Variants in CNTNAP2 observed in about 807,000 individuals in gnomAD.
CNTNAP2 encodes contactin-associated protein-like 2.
Under a neutral mutation model 155.2 loss-of-function variants are expected in CNTNAP2, and 98 were observed. The observed-to-expected ratio is 0.63, with a 90% CI of 0.54 to 0.75. CNTNAP2 has a LOEUF of 0.75. Among genes scored for constraint, CNTNAP2 ranks in the 30% least tolerant of loss-of-function variants. The pLI, the probability that CNTNAP2 is intolerant of heterozygous loss-of-function variation, is 0.00. For missense variants in CNTNAP2, 1,727 were observed against 1,688.1 expected (o/e 1.02, Z -0.40); for synonymous variants, 651 against 631.2 (o/e 1.03, Z -0.47).
At chr7:147,365,835 C>T (rs986089477) in intron 9 of CNTNAP2, among the ~76,000 whole-genome samples, 6 of 152,086 alleles carry the variant, frequency 3.9e-5, no homozygotes, top group Non-Finnish European at 8.8e-5. Flanking sequence ...TTAGAATTTC[C>T]TCTACTTAAT....
intron 20 of CNTNAP2, among the ~76,000 whole-genome samples, chr7:148,252,541 G>T (rs1023196626): frequency 6.6e-6 from 1 of 152,044 alleles, no homozygotes; most frequent in Admixed American, 6.6e-5. Context: ...ACACACAACC[G>T]CCCAAAGCAT....
In CNTNAP2 at chr7:146,789,214, A is replaced by G. The variant is rs548659835; in HGVS notation, c.208+14833A>G. Among the ~76,000 whole-genome samples the G allele has an allele frequency of 4.6e-5, 7 of 152,312 alleles. No homozygotes were observed. The East Asian group carries it at 9.6e-4, about 21-fold the overall frequency. ...TTTGAAATTAAGTCTTCTGACTTCAAAATAATTCACTATTCTGTCCTCCAC... is the reference window on the plus strand; with the variant it reads ...TTTGAAATTAAGTCTTCTGACTTCAGAATAATTCACTATTCTGTCCTCCAC... On this transcript the variant is annotated intron_variant, in intron 2 of 23. Coordinates refer to ENST00000361727, the MANE Select transcript of CNTNAP2 (RefSeq NM_014141.6).
At chr7:147,817,258 T>C (rs1798279956) in intron 13 of CNTNAP2, among the ~76,000 whole-genome samples, 2 of 152,212 alleles carry the variant, frequency 1.3e-5, no homozygotes, top group South Asian at 2.1e-4. Flanking sequence ...ATTTGAATCT[T>C]AATTCGAGCA....
intron 21 of CNTNAP2, among the ~76,000 whole-genome samples, chr7:148,294,036 T>C (rs1797237748): frequency 1.8e-5 from 1 of 54,974 alleles, no homozygotes; most frequent in Admixed American, 3.6e-4. Context: ...CGAGGCTCCA[T>C]CTCAAAAAAA....
intron 1 of CNTNAP2, among the ~76,000 whole-genome samples, chr7:146,133,241 C>T (rs1226461625): frequency 1.3e-5 from 2 of 152,042 alleles, no homozygotes; most frequent in African/African-American, 4.8e-5. Flanking sequence ...ATGTCCTTTG[C>T]CCACTTTTTG....
intron 15 of CNTNAP2, among the ~76,000 whole-genome samples, chr7:148,050,755 G>A (rs57966592): frequency 6.6e-6 from 1 of 152,240 alleles, no homozygotes; most frequent in East Asian, 1.9e-4. Flanking sequence ...CTATACAGGT[G>A]TGCCATTCTT....
At chr7:146,313,175 C>T (rs1800854550) in intron 1 of CNTNAP2, among the ~76,000 whole-genome samples, 1 of 152,194 alleles carries the variant, frequency 6.6e-6, no homozygotes, top group African/African-American at 2.4e-5. Context: ...TTCCCATCAA[C>T]AATGTACAAG....
intron 1 of CNTNAP2, among the ~76,000 whole-genome samples, chr7:146,650,494 G>A (rs960258407): frequency 2.0e-5 from 3 of 151,968 alleles, no homozygotes; most frequent in African/African-American, 7.3e-5. Flanking sequence ...GTTGAACAAT[G>A]AGAACACATG....
chr7:147,749,101 G>A (rs906702310), intron 13 of CNTNAP2, among the ~76,000 whole-genome samples: 5 of 152,124 alleles, frequency 3.3e-5, no homozygotes, highest in African/African-American at 1.2e-4. Context: ...TATTTGGGGG[G>A]AAAGAATGAT....
chr7:146,572,372 A>G (rs900566380), intron 1 of CNTNAP2, among the ~76,000 whole-genome samples: 1 of 150,052 alleles, frequency 6.7e-6, no homozygotes, highest in African/African-American at 2.5e-5. Context: ...TGGGTCTCCT[A>G]TCTTTTTTCT....
intron 3 of CNTNAP2, among the ~76,000 whole-genome samples, chr7:146,861,261 C>T (rs982543632): frequency 2.0e-5 from 3 of 152,108 alleles, no homozygotes; most frequent in Admixed American, 6.5e-5. Flanking sequence ...CCATGTTGTC[C>T]AGGCTGGTCT....
At chr7:147,395,898 A>G in intron 10 of CNTNAP2, 118 bp downstream of exon 10, 2 of 1,105,158 alleles carry the variant, frequency 1.8e-6, no homozygotes, top group Non-Finnish European at 2.7e-6. Context: ...TAAGGTGGAA[A>G]TTACCATTCA....
intron 13 of CNTNAP2, among the ~76,000 whole-genome samples, chr7:147,815,545 C>T (rs950774210): frequency 2.0e-5 from 3 of 152,196 alleles, no homozygotes; most frequent in African/African-American, 7.2e-5. Flanking sequence ...TCTTCTGCTT[C>T]AAGCCAGAGA....
At chr7:146,403,466 A>G (rs367816664) in intron 1 of CNTNAP2, among the ~76,000 whole-genome samples, 141 of 152,306 alleles carry the variant, frequency 9.3e-4, no homozygotes, top group Admixed American at 1.9e-3. Context: ...TAATAAAACT[A>G]TGAAACACAC....
chr7:148,021,104 AG>A (rs1326889477), intron 15 of CNTNAP2, among the ~76,000 whole-genome samples: 2 of 152,186 alleles, frequency 1.3e-5, no homozygotes, highest in Non-Finnish European at 2.9e-5. Context: ...CTAATAATAA[AG>A]CCAAAAGGAA....
intron 3 of CNTNAP2, among the ~76,000 whole-genome samples, chr7:146,953,098 C>G (rs115879582): frequency 1.8e-3 from 267 of 152,056 alleles, no homozygotes; most frequent in African/African-American, 6.0e-3. Context: ...AGGCTGGTCT[C>G]AGCAAGACAA....
At chr7:146,973,240 C>T (rs1413570522) in intron 3 of CNTNAP2, among the ~76,000 whole-genome samples, 1 of 152,136 alleles carries the variant, frequency 6.6e-6, no homozygotes, top group African/African-American at 2.4e-5. Flanking sequence ...GTTGACCAGG[C>T]TGGTCTCCAA....
chr7:147,838,400 ATT>A, intron 13 of CNTNAP2, among the ~76,000 whole-genome samples: 1 of 151,754 alleles, frequency 6.6e-6, no homozygotes, highest in East Asian at 1.9e-4. Flanking sequence ...AGAAAATAGG[ATT>A]TTTTTTTCTA....
At chr7:146,424,984 G>A (rs10269958) in intron 1 of CNTNAP2, among the ~76,000 whole-genome samples, 59,003 of 151,852 alleles carry the variant, frequency 0.39, 13,067 homozygotes, top group African/African-American at 0.6. Context: ...AATCTAATAC[G>A]TTTTCAATTT....
Sources: allele counts gnomAD v4.1 joint callset (sites outside exome capture counted in the v4.1 genomes callset), GRCh38; gene constraint gnomAD v4.1.1; transcripts MANE v1.5; gene names NCBI Gene and HGNC (gene_info 2026-07-23, HGNC 2026-07-21).